The following UBE3D variants were observed in gnomAD, a reference collection of about 807,000 sequenced individuals.
UBE3D encodes the protein E3 ubiquitin-protein ligase E3D.
UBE3D carries 48 observed loss-of-function variants against 49.6 expected under a neutral mutation model. That is an observed-to-expected ratio of 0.97 (90% confidence interval 0.77 to 1.23). The LOEUF is 1.23. Ranked by LOEUF, UBE3D falls within the 50% of genes most tolerant of loss-of-function variation. The probability of loss-of-function intolerance (pLI) is 0.00; values close to 1 mark genes in which losing one functional copy is unlikely to be tolerated. For synonymous variants in UBE3D, 189 were observed against 174.2 expected (o/e 1.08, Z -0.67); for missense variants, 452 against 468.4 (o/e 0.96, Z 0.32).
At chr6:82,887,582 G>A (rs893446754), downstream of UBE3D, among the ~76,000 whole-genome samples, 2 of 150,088 alleles carry the variant, frequency 1.3e-5, no homozygotes, top group East Asian at 2.0e-4. Flanking sequence ...GGTGGTGCAC[G>A]CCTACAATCC....
In UBE3D at chr6:83,053,344, T is replaced by A. The variant is rs1048360736; in HGVS notation, c.365+804A>T. On this transcript the variant is annotated intron_variant, in intron 3 of 9. Transcript: ENST00000369747. ...CAGACAGGAAGGATCCGTTCACTTA[T>A]AAGTCTTAGGAACATGGCTCAGGAA... Among the ~76,000 whole-genome samples the A allele has an allele frequency of 2.6e-5, 4 of 152,200 alleles. No individual in the cohort carries two copies. In the East Asian group the frequency reaches 7.7e-4, roughly 29 times the overall value.
chr6:83,044,397 A>G, intron 4 of UBE3D, 31 bp downstream of exon 4: 1 of 1,605,032 alleles, frequency 6.2e-7, no homozygotes, highest in Non-Finnish European at 8.5e-7. Flanking sequence ...ACAGCCTCTA[A>G]ATTACCATTT....
chr6:82,906,295 G>C (rs1218317125), intron 9 of UBE3D, among the ~76,000 whole-genome samples: 1 of 120,556 alleles, frequency 8.3e-6, no homozygotes, highest in East Asian at 2.4e-4. Context: ...CAGGCTTTTT[G>C]TTCTGCAGAG....
At chr6:83,000,933 C>T (rs1224699079) in intron 8 of UBE3D, among the ~76,000 whole-genome samples, 1 of 152,172 alleles carries the variant, frequency 6.6e-6, no homozygotes, top group Non-Finnish European at 1.5e-5. Context: ...CAACCTCCGC[C>T]TCCTGGGTTC....
At chr6:82,993,707 T>A (rs942958673) in intron 8 of UBE3D, among the ~76,000 whole-genome samples, 1 of 152,200 alleles carries the variant, frequency 6.6e-6, no homozygotes, top group African/African-American at 2.4e-5. Flanking sequence ...GACAGAGGGT[T>A]AACTGTACAT....
In UBE3D at chr6:83,058,040, A is replaced by G; in HGVS notation, c.78-18T>C. The G allele has an allele frequency of 6.2e-7, 1 of 1,611,986 alleles. No homozygotes were observed. The highest frequency in any genetic ancestry group is 8.5e-7 in the Non-Finnish European group (1 of 1,179,050). On this transcript the variant is annotated intron_variant, in intron 1 of 9. Coordinates refer to ENST00000369747, the MANE Select transcript of UBE3D (RefSeq NM_198920.3). ...TCGGTTCTCTGGTAATTAAAAACAA[A>G]ACCCAAACAAATTATTTCTCACAAT...
At chr6:83,035,176 G>A (rs1223868774) in intron 5 of UBE3D, among the ~76,000 whole-genome samples, 1 of 83,902 alleles carries the variant, frequency 1.2e-5, no homozygotes, top group Non-Finnish European at 2.5e-5. Context: ...GTGAGACTAT[G>A]TCTCAAAAAA....
intron 8 of UBE3D, among the ~76,000 whole-genome samples, chr6:82,976,468 T>C (rs1396793459): frequency 6.6e-6 from 1 of 152,206 alleles, no homozygotes; most frequent in African/African-American, 2.4e-5. Context: ...CATTTACAAC[T>C]GCTCCGAGAT....
intron 8 of UBE3D, among the ~76,000 whole-genome samples, chr6:82,970,096 T>C (rs1029284469): frequency 4.7e-5 from 7 of 147,980 alleles, no homozygotes; most frequent in Admixed American, 2.7e-4. Flanking sequence ...TTATATATAA[T>C]TATATATAAT....
chr6:82,923,400 T>C (rs1026420919), intron 9 of UBE3D, among the ~76,000 whole-genome samples: 2 of 152,222 alleles, frequency 1.3e-5, no homozygotes, highest in African/African-American at 4.8e-5. Context: ...TGAGTTCATG[T>C]CCTTTGCAGG....
rs549644252 is a variant in UBE3D, at chr6:82,988,982, C to T, written c.1010+29991G>A. On this transcript the variant is annotated intron_variant, in intron 8 of 9. Coordinates refer to ENST00000369747, the MANE Select transcript of UBE3D (RefSeq NM_198920.3). ...CTTAGTGACAAGTGAGTTCACAACACTACACAAAAATAGAATTAGAAAGGA... is the reference window on the plus strand; with the variant it reads ...CTTAGTGACAAGTGAGTTCACAACATTACACAAAAATAGAATTAGAAAGGA... Among the ~76,000 whole-genome samples, 3 of 152,112 alleles carry T rather than the reference C, an allele frequency of 2.0e-5. No individual in the cohort carries two copies. The East Asian group carries it at 5.8e-4, about 29-fold the overall frequency.
chr6:83,035,047 G>A (rs1422747490), intron 5 of UBE3D, among the ~76,000 whole-genome samples: 1 of 151,832 alleles, frequency 6.6e-6, no homozygotes, highest in Admixed American at 6.6e-5. Context: ...CAGACATGGT[G>A]GTATGCACCT....
At chr6:82,925,788 A>G (rs1418423100) in intron 9 of UBE3D, among the ~76,000 whole-genome samples, 1 of 152,134 alleles carries the variant, frequency 6.6e-6, no homozygotes, top group Admixed American at 6.6e-5. Flanking sequence ...GTCAGCCTCT[A>G]AAATATGAGG....
At chr6:82,945,565 A>T (rs1334237201) in intron 9 of UBE3D, among the ~76,000 whole-genome samples, 1 of 152,192 alleles carries the variant, frequency 6.6e-6, no homozygotes, top group East Asian at 1.9e-4. Flanking sequence ...TGAAGACTAC[A>T]ATAAATACCT....
chr6:82,923,620 C>T (rs560578386), intron 9 of UBE3D, among the ~76,000 whole-genome samples: 4 of 152,170 alleles, frequency 2.6e-5, no homozygotes, highest in African/African-American at 4.8e-5. Context: ...ATGTAGGTGA[C>T]GGGTTGATTG....
intron 4 of UBE3D, among the ~76,000 whole-genome samples, chr6:83,041,821 G>T (rs551439173): frequency 6.6e-6 from 1 of 152,212 alleles, no homozygotes; most frequent in African/African-American, 2.4e-5. Flanking sequence ...TGTAATCAAA[G>T]ATCAATTTTA....
At chr6:82,970,712 A>C (rs1216990906) in intron 8 of UBE3D, among the ~76,000 whole-genome samples, 8 of 152,114 alleles carry the variant, frequency 5.3e-5, no homozygotes, top group African/African-American at 1.9e-4. Flanking sequence ...GGTGGCAGGC[A>C]TCTGTAGTCC....
At chr6:82,951,000 T>TA (rs1264696526) in intron 9 of UBE3D, among the ~76,000 whole-genome samples, 1,687 of 125,148 alleles carry the variant, frequency 0.013, 8 homozygotes, top group African/African-American at 0.018. Flanking sequence ...GACTAATGGA[T>TA]AAAAAAAAAA....
intron 8 of UBE3D, among the ~76,000 whole-genome samples, chr6:82,965,680 A>T (rs947310984): frequency 6.6e-6 from 1 of 152,138 alleles, no homozygotes; most frequent in Non-Finnish European, 1.5e-5. Context: ...AATTAAGAAC[A>T]TAATAATTAG....
Sources: allele counts gnomAD v4.1 joint callset (sites outside exome capture counted in the v4.1 genomes callset), GRCh38; gene constraint gnomAD v4.1.1; transcripts MANE v1.5; gene names NCBI Gene and HGNC (gene_info 2026-07-23, HGNC 2026-07-21).